The following SV2C variants were observed in gnomAD, a reference collection of about 807,000 sequenced individuals.
SV2C encodes solute carrier family 22 member B3.
SV2C carries 49 observed loss-of-function variants against 79.7 expected under a neutral mutation model. The observed-to-expected ratio is 0.61, with a 90% CI of 0.49 to 0.78. The LOEUF (loss-of-function observed/expected upper bound fraction) is 0.78, where lower values mean the gene tolerates loss of function less well. Ranked by LOEUF, SV2C falls within the 30% of genes least tolerant of loss-of-function variation. SV2C has a pLI of 0.00. For synonymous variants in SV2C, 334 were observed against 333.2 expected (o/e 1.00, Z -0.03); for missense variants, 833 against 912.9 (o/e 0.91, Z 1.13).
At chr5:75,970,131 C>T in the SV2C span, among the ~76,000 whole-genome samples, 1 of 151,890 alleles carries the variant, frequency 6.6e-6, no homozygotes, top group African/African-American at 2.4e-5. Context: ...CCAACGAGAA[C>T]AAAGATACAA....
chr5:76,050,846 T>C, the SV2C span, among the ~76,000 whole-genome samples: 1 of 152,226 alleles, frequency 6.6e-6, no homozygotes, highest in Non-Finnish European at 1.5e-5. Context: ...TGTGATTTTC[T>C]TCCTGTTTAT....
At chr5:76,071,656 C>T in the SV2C span, among the ~76,000 whole-genome samples, 3 of 152,126 alleles carry the variant, frequency 2.0e-5, no homozygotes, top group Non-Finnish European at 4.4e-5. Context: ...ACCTTTAGAT[C>T]ATGCTAAAAA....
At chr5:76,283,235 T>G (rs1179619945) in intron 4 of SV2C, among the ~76,000 whole-genome samples, 2 of 152,022 alleles carry the variant, frequency 1.3e-5, no homozygotes, top group Non-Finnish European at 2.9e-5. Context: ...GAGAATTGCT[T>G]GAACCCAGGA....
the SV2C span, among the ~76,000 whole-genome samples, chr5:75,979,956 T>A: frequency 1.3e-5 from 2 of 151,794 alleles, no homozygotes; most frequent in Non-Finnish European, 2.9e-5. Flanking sequence ...TTTGAAAAAA[T>A]TAATAATACA....
chr5:76,008,556 A>G, the SV2C span, among the ~76,000 whole-genome samples: 983 of 152,218 alleles, frequency 6.5e-3, 13 homozygotes, highest in African/African-American at 0.023. Flanking sequence ...TCCATACTAC[A>G]GGAAATCTTG....
chr5:75,857,240 A>AC, the SV2C span, among the ~76,000 whole-genome samples: 3 of 152,088 alleles, frequency 2.0e-5, no homozygotes, highest in Non-Finnish European at 4.4e-5. Context: ...TACAGGTGTG[A>AC]GCCACCGCGC....
chr5:75,961,571 A>G, the SV2C span, among the ~76,000 whole-genome samples: 1 of 151,958 alleles, frequency 6.6e-6, no homozygotes, highest in East Asian at 1.9e-4. Flanking sequence ...AATATGATTC[A>G]TAAATATCAG....
chr5:75,921,401 G>T, the SV2C span: 3 of 819,034 alleles, frequency 3.7e-6, no homozygotes, highest in East Asian at 4.9e-5. Flanking sequence ...GTCAAACTGC[G>T]CTTGGGGAAG....
rs1486129674 is a variant in SV2C at position 76,333,790 on chromosome 5, T to C, written c.*8243T>C. 1 of 152,248 alleles carries C rather than the reference T, an allele frequency of 6.6e-6. No homozygotes were observed. The highest frequency in any genetic ancestry group is 1.5e-5 in the Non-Finnish European group (1 of 68,048). 9.4% of individuals were successfully genotyped at this position (152,248 alleles called of 1,614,324 possible). On this transcript the variant is annotated 3_prime_UTR_variant, in exon 13 of 13. Transcript: ENST00000502798. ...CCATGCGTATCCTTGTGAAAGGGCA[T>C]GCTCCATGTGGGATGGCTCGTGTAC...
At chr5:76,278,067 T>C (rs992062634) in intron 4 of SV2C, among the ~76,000 whole-genome samples, 4 of 152,230 alleles carry the variant, frequency 2.6e-5, no homozygotes, top group African/African-American at 9.6e-5. Flanking sequence ...TGAATCAAGG[T>C]TATTTTGCTG....
At chr5:75,975,716 A>G in the SV2C span, among the ~76,000 whole-genome samples, 11 of 152,190 alleles carry the variant, frequency 7.2e-5, no homozygotes, top group Admixed American at 3.9e-4. Context: ...CTTGGGATGC[A>G]TATATTACAG....
At chr5:75,908,761 A>G in the SV2C span, among the ~76,000 whole-genome samples, 2 of 152,184 alleles carry the variant, frequency 1.3e-5, no homozygotes, top group Non-Finnish European at 2.9e-5. Context: ...TTCCTCTGAC[A>G]CTGTAGATTT....
the SV2C span, among the ~76,000 whole-genome samples, chr5:76,054,900 C>A: frequency 6.6e-6 from 1 of 152,070 alleles, no homozygotes; most frequent in South Asian, 2.1e-4. Flanking sequence ...GGATATTACA[C>A]CTTTGTCAGA....
At chr5:76,242,441 G>A (rs1156891897) in intron 4 of SV2C, 2 of 587,902 alleles carry the variant, frequency 3.4e-6, no homozygotes, top group Non-Finnish European at 6.3e-6. Flanking sequence ...GCCCACCTCG[G>A]CCTCCCAAAG....
the SV2C span, chr5:75,921,760 G>A: frequency 2.7e-6 from 1 of 368,764 alleles, no homozygotes; most frequent in Non-Finnish European, 5.1e-6. Flanking sequence ...GAAGCTCATG[G>A]TATCTACCAA....
chr5:76,191,092 G>C (rs1398050378), intron 2 of SV2C, among the ~76,000 whole-genome samples: 1 of 152,104 alleles, frequency 6.6e-6, no homozygotes, highest in Non-Finnish European at 1.5e-5. Context: ...GCGTGGCTGG[G>C]GAGGCCTCAG....
At chr5:75,852,825 C>CAAAAAAAAAAAAA in the SV2C span, among the ~76,000 whole-genome samples, 1 of 81,190 alleles carries the variant, frequency 1.2e-5, no homozygotes, top group African/African-American at 4.1e-5. Flanking sequence ...GACTCCGTCT[C>CAAAAAAAAAAAAA]AAAAAAAAAA....
chr5:75,961,678 T>C, the SV2C span, among the ~76,000 whole-genome samples: 420 of 152,086 alleles, frequency 2.8e-3, 2 homozygotes, highest in African/African-American at 9.3e-3. Flanking sequence ...CATTTCAATT[T>C]TAGTGTTCAA....
chr5:76,190,062 G>A (rs1744046491), intron 2 of SV2C, among the ~76,000 whole-genome samples: 1 of 152,220 alleles, frequency 6.6e-6, no homozygotes, highest in South Asian at 2.1e-4. Context: ...GCAGAAGGAA[G>A]ATGGGTGAGT....
Sources: allele counts gnomAD v4.1 joint callset (sites outside exome capture counted in the v4.1 genomes callset), GRCh38; gene constraint gnomAD v4.1.1; transcripts MANE v1.5; gene names NCBI Gene and HGNC (gene_info 2026-07-23, HGNC 2026-07-21).